BCL7A: variants seen among roughly 807,000 people sequenced by gnomAD.
BCL7A encodes BAF chromatin remodeling complex subunit BCL7A, also known as B-cell CLL/lymphoma 7 protein family member A.
In BCL7A, 11 loss-of-function variants were observed where a neutral mutation model predicts 28.4. The observed-to-expected ratio is 0.39, with a 90% confidence interval of 0.24 to 0.64. BCL7A has a LOEUF of 0.64. BCL7A is among the 30% of genes least tolerant of loss of function. BCL7A has a pLI of 0.50. For synonymous variants in BCL7A, 123 were observed against 103.3 expected (o/e 1.19, Z -1.15); for missense variants, 222 against 274.8 (o/e 0.81, Z 1.36).
At chr12:122,025,449 C>G (rs1281399154) in intron 1 of BCL7A, among the ~76,000 whole-genome samples, 1 of 151,178 alleles carries the variant, frequency 6.6e-6, no homozygotes, top group Admixed American at 6.6e-5. Context: ...ATGGTGAAAC[C>G]CCGTCTCTAC....
chr12:122,042,891 A>G (rs192431991), intron 3 of BCL7A, among the ~76,000 whole-genome samples: 6 of 152,186 alleles, frequency 3.9e-5, no homozygotes, highest in African/African-American at 9.6e-5. Flanking sequence ...AAATTCCCCA[A>G]TTGTTCCAAA....
chr12:122,059,208 C>T lies in BCL7A; in HGVS notation c.*45C>T, dbSNP rs1951900090. ...GATCCATGTTCCATGGAAGGTACAT[C>T]AGCAATTAATTCTAGAGCAACTTTG... is the stretch of plus-strand genomic sequence containing the variant. On this transcript the variant is annotated 3_prime_UTR_variant, in exon 6 of 6. Transcript: ENST00000261822. This position sits in a 1 kb window ranked among gnomAD's most constrained non-coding sequence, Gnocchi z 4.0. 1.7e-5 allele frequency: 26 copies of T among 1,548,764 alleles called. No individual in the cohort carries two copies. Among genetic ancestry groups the T allele is most frequent in the Non-Finnish European group, 2.3e-5 (26 of 1,121,498 alleles).
chr12:122,038,625 A>G (rs1395642454), intron 3 of BCL7A, among the ~76,000 whole-genome samples: 1 of 151,726 alleles, frequency 6.6e-6, no homozygotes, highest in Non-Finnish European at 1.5e-5. Context: ...GGGACTGGGG[A>G]GACCCCACGC....
At chr12:122,051,785 A>C (rs1018669168) in intron 4 of BCL7A, among the ~76,000 whole-genome samples, 8 of 152,000 alleles carry the variant, frequency 5.3e-5, no homozygotes, top group African/African-American at 1.9e-4. Flanking sequence ...CAACTTTTCT[A>C]GTAAAAACTT....
intron 3 of BCL7A, among the ~76,000 whole-genome samples, chr12:122,038,289 GGGCATGAT>G (rs1883895822): frequency 1.3e-5 from 2 of 150,672 alleles, no homozygotes; most frequent in Non-Finnish European, 3.0e-5. Flanking sequence ...AAAATTAGCT[GGGCATGAT>G]GGCGTGTGCC....
rs1883704419 is a variant in BCL7A at position 122,029,857 on chromosome 12, A to G, written c.93-843A>G. 6.6e-6 allele frequency among the ~76,000 whole-genome samples: 1 copy of G among 152,008 alleles called. No homozygotes were observed. The highest frequency in any genetic ancestry group is 1.5e-5 in the Non-Finnish European group (1 of 67,994). On this transcript the variant is annotated intron_variant, in intron 1 of 5. Transcript: ENST00000261822. This position sits in a 1 kb window ranked among gnomAD's most constrained non-coding sequence, Gnocchi z 4.3. Reference sequence around the variant, plus strand: ...GGTGGCTGGCTGTAGCAATAATCGGAAAAATGACAGTGGCTCGGAGCAGAG... The same window carrying G: ...GGTGGCTGGCTGTAGCAATAATCGGGAAAATGACAGTGGCTCGGAGCAGAG...
In BCL7A at chr12:122,060,957, G is replaced by A; in HGVS notation, c.*1794G>A. ...AAGTTAGCAATGCCGAAAGGTTTCTGTCTTAAAAAAAAAAATCCTTGTACT... is the reference window on the plus strand; with the variant it reads ...AAGTTAGCAATGCCGAAAGGTTTCTATCTTAAAAAAAAAAATCCTTGTACT... On this transcript the variant is annotated 3_prime_UTR_variant, in exon 6 of 6. Coordinates refer to ENST00000261822, the MANE Select transcript of BCL7A (RefSeq NM_001024808.3). 1 of 225,256 alleles carries A rather than the reference G, an allele frequency of 4.4e-6. No individual in the cohort carries two copies. The highest frequency in any genetic ancestry group is 8.8e-6 in the Non-Finnish European group (1 of 113,262). The allele number at this position is 225,256 out of a possible 1,614,324, so 14.0% of individuals were successfully genotyped here.
At chr12:122,044,169 T>G (rs1884022147) in intron 4 of BCL7A, 116 bp downstream of exon 4, 1 of 1,228,780 alleles carries the variant, frequency 8.1e-7, no homozygotes, top group Non-Finnish European at 1.1e-6. Flanking sequence ...AAGGAGACAG[T>G]AAAGAGAGGT....
At chr12:122,031,066 G>A (rs1483867857) in intron 2 of BCL7A, among the ~76,000 whole-genome samples, 1 of 152,006 alleles carries the variant, frequency 6.6e-6, no homozygotes, top group Non-Finnish European at 1.5e-5. Context: ...TCACTCTGCC[G>A]CCCAGGCTGG....
rs936296160 is a variant in BCL7A at position 122,044,062 on chromosome 12, C to T, written c.439+9C>T. On this transcript the variant is annotated intron_variant, in intron 4 of 5. Transcript: ENST00000261822. Reference sequence around the variant, plus strand: ...GCACCCAGGAGCTGAAGGTATGTGGCCTCTGGAGGTGGGGCTCTGACGGCC... The same window carrying T: ...GCACCCAGGAGCTGAAGGTATGTGGTCTCTGGAGGTGGGGCTCTGACGGCC... The T allele has an allele frequency of 1.1e-5, 18 of 1,607,346 alleles. No individual in the cohort carries two copies. Among genetic ancestry groups the T allele is most frequent in the Admixed American group, 1.7e-5 (1 of 59,378 alleles).
intron 1 of BCL7A, among the ~76,000 whole-genome samples, chr12:122,024,264 C>T (rs1156688078): frequency 6.6e-6 from 1 of 152,174 alleles, no homozygotes; most frequent in Non-Finnish European, 1.5e-5. Flanking sequence ...GTTGCCGCGA[C>T]CTTGGGCATA....
chr12:122,024,671 C>G (rs1883575888), intron 1 of BCL7A, among the ~76,000 whole-genome samples: 1 of 151,982 alleles, frequency 6.6e-6, no homozygotes, highest in Non-Finnish European at 1.5e-5. Flanking sequence ...CAGGTTTAAC[C>G]AGATAAAAAT....
intron 1 of BCL7A, among the ~76,000 whole-genome samples, chr12:122,023,994 T>C: frequency 6.6e-6 from 1 of 152,264 alleles, no homozygotes; most frequent in East Asian, 1.9e-4. Context: ...CAGAGGCTCC[T>C]GCACCCTGAC....
chr12:122,023,495 C>G, intron 1 of BCL7A, among the ~76,000 whole-genome samples: 1 of 152,134 alleles, frequency 6.6e-6, no homozygotes, highest in East Asian at 1.9e-4. Context: ...CTGAGTCAAA[C>G]CCAACAAAAA....
rs1278425059 is a variant in BCL7A at position 122,053,050 on chromosome 12, C to G, written c.440-1755C>G. 2.0e-5 allele frequency among the ~76,000 whole-genome samples: 3 copies of G among 151,896 alleles called. No homozygotes were observed. The East Asian group carries it at 5.8e-4, about 29-fold the overall frequency. The stretch of plus-strand genomic sequence containing the variant: ...TTACTCTGTCGCCCAGGCTGGAGTG[C>G]CGTGGCATGATCTCGGCTCCCAATC... On this transcript the variant is annotated intron_variant, in intron 4 of 5. Coordinates refer to ENST00000261822, the MANE Select transcript of BCL7A (RefSeq NM_001024808.3).
chr12:122,030,864 C>A, intron 2 of BCL7A, 83 bp downstream of exon 2: 1 of 1,394,916 alleles, frequency 7.2e-7, no homozygotes, highest in Non-Finnish European at 1.0e-6. Context: ...TCCACTGCTA[C>A]CCACCGTGCT....
At chr12:122,036,589 C>T (rs1393960199) in intron 3 of BCL7A, among the ~76,000 whole-genome samples, 1 of 152,130 alleles carries the variant, frequency 6.6e-6, no homozygotes, top group Non-Finnish European at 1.5e-5. Flanking sequence ...TGCACACACC[C>T]ACGTAACCAC....
chr12:122,028,800 G>A (rs973320399), intron 1 of BCL7A, among the ~76,000 whole-genome samples: 4 of 152,182 alleles, frequency 2.6e-5, no homozygotes, highest in Non-Finnish European at 4.4e-5. Flanking sequence ...AGTGCTTGGC[G>A]TGGAGCCTGG....
intron 3 of BCL7A, among the ~76,000 whole-genome samples, chr12:122,039,090 A>G (rs528918965): frequency 6.6e-6 from 1 of 151,936 alleles, no homozygotes; most frequent in South Asian, 2.1e-4. Context: ...AGGTTGGGAG[A>G]TCGAGACCAT....
Sources: allele counts gnomAD v4.1 joint callset (sites outside exome capture counted in the v4.1 genomes callset), GRCh38; gene constraint gnomAD v4.1.1; non-coding constraint Gnocchi (gnomAD v3.1); transcripts MANE v1.5; gene names NCBI Gene and HGNC (gene_info 2026-07-23, HGNC 2026-07-21).